TBC1D32: variants seen among roughly 807,000 people sequenced by gnomAD.
TBC1D32 encodes the protein TBC1 domain family member 32.
Under a neutral mutation model 170.3 loss-of-function variants are expected in TBC1D32, and 151 were observed. The ratio of observed to expected loss-of-function variants is 0.89; its 90% CI spans 0.78 to 1.01. The LOEUF is 1.01. TBC1D32 is among the 50% of genes least tolerant of loss of function. TBC1D32 has a pLI of 0.00. For missense variants in TBC1D32, 1,464 were observed against 1,457.1 expected (o/e 1.00, Z -0.08); for synonymous variants, 498 against 488.0 (o/e 1.02, Z -0.27).
intron 30 of TBC1D32, among the ~76,000 whole-genome samples, chr6:121,092,301 T>TG (rs1187891968): frequency 7.2e-6 from 1 of 138,616 alleles, no homozygotes; most frequent in East Asian, 2.1e-4. Context: ...ATGTTTTTTT[T>TG]TTTTTTTTTT....
intron 22 of TBC1D32, among the ~76,000 whole-genome samples, chr6:121,162,607 C>A (rs1382372591): frequency 6.6e-6 from 1 of 152,080 alleles, no homozygotes; most frequent in Non-Finnish European, 1.5e-5. Context: ...GAGAGGAAGT[C>A]AAACTATATT....
At position 121,169,080 on chromosome 6, in the gene TBC1D32, C is replaced by T. The variant is rs554662867; in HGVS notation, c.2571-8024G>A. 7.2e-5 allele frequency among the ~76,000 whole-genome samples: 11 copies of T among 152,046 alleles called. No homozygotes were observed. In the East Asian group the frequency reaches 1.9e-3, roughly 27 times the overall value. ...CAGAAAAAAAATATTTTAAAATTCACGTGGAACCAAAAAAGACCTCAAATA... is the reference window on the plus strand; with the variant it reads ...CAGAAAAAAAATATTTTAAAATTCATGTGGAACCAAAAAAGACCTCAAATA... On this transcript the variant is annotated intron_variant, in intron 22 of 31. Transcript: ENST00000398212.
chr6:121,161,362 C>A (rs929573818), intron 22 of TBC1D32, among the ~76,000 whole-genome samples: 2 of 152,096 alleles, frequency 1.3e-5, no homozygotes, highest in Admixed American at 6.5e-5. Flanking sequence ...CCAGCTTCAC[C>A]CTCTAACAGG....
intron 22 of TBC1D32, among the ~76,000 whole-genome samples, chr6:121,199,458 G>A (rs1791247925): frequency 6.6e-6 from 1 of 151,266 alleles, no homozygotes; most frequent in South Asian, 2.1e-4. Flanking sequence ...ACCATGAAGA[G>A]GTAGGGTAAT....
At chr6:121,083,577 T>G (rs188017008) in intron 31 of TBC1D32, among the ~76,000 whole-genome samples, 10 of 150,290 alleles carry the variant, frequency 6.7e-5, no homozygotes, top group Admixed American at 6.6e-4. Flanking sequence ...AAATTTCAAA[T>G]ATGCATTCAT....
At chr6:121,289,001 T>G (rs866034383) in intron 12 of TBC1D32, among the ~76,000 whole-genome samples, 2 of 152,122 alleles carry the variant, frequency 1.3e-5, no homozygotes, top group African/African-American at 4.8e-5. Flanking sequence ...ATGGGACGTA[T>G]CTCAAAATAA....
chr6:121,102,176 T>C (rs935191679), intron 30 of TBC1D32, among the ~76,000 whole-genome samples: 5 of 152,056 alleles, frequency 3.3e-5, no homozygotes, highest in African/African-American at 7.2e-5. Context: ...AGGTAACTGA[T>C]AGATTCAGTG....
intron 15 of TBC1D32, among the ~76,000 whole-genome samples, chr6:121,269,727 T>C (rs1404122829): frequency 6.6e-6 from 1 of 151,968 alleles, no homozygotes; most frequent in Non-Finnish European, 1.5e-5. Context: ...AACAAGGATA[T>C]CCAGGAATTG....
chr6:121,292,864 G>A (rs990442854), intron 11 of TBC1D32, among the ~76,000 whole-genome samples: 3 of 152,146 alleles, frequency 2.0e-5, no homozygotes, highest in South Asian at 4.1e-4. Flanking sequence ...AACTGGGCAG[G>A]AGCAAAGCAG....
intron 31 of TBC1D32, among the ~76,000 whole-genome samples, chr6:121,082,218 T>C (rs1030215149): frequency 6.6e-6 from 1 of 152,074 alleles, no homozygotes; most frequent in African/African-American, 2.4e-5. Flanking sequence ...TCTGATTTTA[T>C]GTATAAGTAA....
rs1299030623 is a variant in TBC1D32 at position 121,198,247 on chromosome 6, TATATATATATATA to T, written c.2570+6815_2570+6827del. 4.4e-4 allele frequency among the ~76,000 whole-genome samples: 57 copies of T among 129,526 alleles called. 4 individuals carry two copies. The highest frequency in any genetic ancestry group is 1.5e-3 in the African/African-American group (54 of 36,294). The allele number at this position is 129,526 out of a possible 152,430, so 85.0% of individuals were successfully genotyped here. A position where few individuals can be genotyped will look rare whatever the true frequency, so the allele number is the denominator to read the frequency against. Reference sequence around the variant, plus strand: ...GTATAATATATATAAATATATATATTATATATATATATAATATATATATATAATATACACACAC... The same window carrying T: ...GTATAATATATATAAATATATATATTATATATATATATAATATACACACAC... On this transcript the variant is annotated intron_variant, in intron 22 of 31. Coordinates refer to ENST00000398212, the MANE Select transcript of TBC1D32 (RefSeq NM_152730.6).
At chr6:121,318,747 A>G (rs1809273687) in intron 2 of TBC1D32, among the ~76,000 whole-genome samples, 1 of 150,986 alleles carries the variant, frequency 6.6e-6, no homozygotes, top group Admixed American at 6.7e-5. Flanking sequence ...ATACACATAT[A>G]TATCCAAAAT....
intron 26 of TBC1D32, 128 bp downstream of exon 26, chr6:121,126,250 G>C (rs1780832742): frequency 8.1e-6 from 5 of 618,732 alleles, no homozygotes; most frequent in Non-Finnish European, 1.4e-5. Context: ...TATCTGGAAT[G>C]TATATGGCAC....
chr6:121,260,939 A>C (rs1799680091), intron 15 of TBC1D32, among the ~76,000 whole-genome samples: 1 of 152,198 alleles, frequency 6.6e-6, no homozygotes, highest in African/African-American at 2.4e-5. Flanking sequence ...TTTCCCTGCT[A>C]GAGCCAGGGA....
intron 21 of TBC1D32, among the ~76,000 whole-genome samples, chr6:121,218,027 G>C (rs1794044359): frequency 6.6e-6 from 1 of 152,192 alleles, no homozygotes; most frequent in Non-Finnish European, 1.5e-5. Context: ...GTAAGACTAA[G>C]ATGCCTGTGA....
intron 26 of TBC1D32, 100 bp downstream of exon 26, chr6:121,126,278 G>A (rs1582876556): frequency 4.9e-6 from 4 of 811,166 alleles, no homozygotes; most frequent in East Asian, 2.6e-5. Flanking sequence ...GAGATTGTTA[G>A]GATGAGAAAA....
At chr6:121,266,674 A>T (rs1408611675) in intron 15 of TBC1D32, among the ~76,000 whole-genome samples, 1 of 152,204 alleles carries the variant, frequency 6.6e-6, no homozygotes, top group Non-Finnish European at 1.5e-5. Flanking sequence ...AACGCCTATT[A>T]ATTATAGACT....
intron 10 of TBC1D32, among the ~76,000 whole-genome samples, chr6:121,298,624 C>T (rs78776423): frequency 0.024 from 3,639 of 152,022 alleles, 161 homozygotes; most frequent in East Asian, 0.12. Context: ...TATATTTTAC[C>T]TTTACAAATA....
At chr6:121,285,032 C>T (rs961103262) in intron 12 of TBC1D32, among the ~76,000 whole-genome samples, 1 of 152,046 alleles carries the variant, frequency 6.6e-6, no homozygotes, top group Non-Finnish European at 1.5e-5. Flanking sequence ...AAAAAAGCTA[C>T]AAAACAGTAT....
Sources: allele counts gnomAD v4.1 joint callset (sites outside exome capture counted in the v4.1 genomes callset), GRCh38; gene constraint gnomAD v4.1.1; transcripts MANE v1.5; gene names NCBI Gene and HGNC (gene_info 2026-07-23, HGNC 2026-07-21).